The following STK32B variants were observed in gnomAD, a reference collection of about 807,000 sequenced individuals.
STK32B encodes the protein serine/threonine kinase 32B.
STK32B carries 43 observed loss-of-function variants against 52.6 expected under a neutral mutation model. The observed-to-expected ratio is 0.82, with a 90% CI of 0.64 to 1.05. STK32B has a LOEUF of 1.05. STK32B is among the 50% of genes least tolerant of loss of function. The pLI is 0.00. For synonymous variants in STK32B, 238 were observed against 204.3 expected (o/e 1.17, Z -1.41); for missense variants, 621 against 534.6 (o/e 1.16, Z -1.59).
intron 3 of STK32B, among the ~76,000 whole-genome samples, chr4:5,198,431 ATAATAC>A (rs905944868): frequency 6.6e-6 from 1 of 152,140 alleles, no homozygotes; most frequent in African/African-American, 2.4e-5. Flanking sequence ...TTGATTCCCA[ATAATAC>A]TAATAATTTT....
intron 6 of STK32B, among the ~76,000 whole-genome samples, chr4:5,427,653 C>A (rs917141973): frequency 2.6e-5 from 4 of 152,010 alleles, no homozygotes; most frequent in Non-Finnish European, 5.9e-5. Flanking sequence ...AAGGAATTTC[C>A]CTAGTTCATC....
chr4:5,487,824 C>A (rs1719364478), intron 11 of STK32B, among the ~76,000 whole-genome samples: 1 of 152,148 alleles, frequency 6.6e-6, no homozygotes, highest in South Asian at 2.1e-4. Context: ...TTTTGGTTTG[C>A]AGTTTAAATG....
chr4:5,155,389 C>T (rs1440218938), intron 2 of STK32B, among the ~76,000 whole-genome samples: 3 of 152,228 alleles, frequency 2.0e-5, no homozygotes, highest in African/African-American at 4.8e-5. Flanking sequence ...AATGTTTCCT[C>T]TTGTTCGCTG....
At chr4:5,178,786 T>C (rs949056988) in intron 3 of STK32B, among the ~76,000 whole-genome samples, 2 of 152,206 alleles carry the variant, frequency 1.3e-5, no homozygotes, top group Non-Finnish European at 2.9e-5. Flanking sequence ...CATCTCCATC[T>C]GAGACTACAT....
chr4:5,057,252 C>A (rs7655852), intron 1 of STK32B, among the ~76,000 whole-genome samples: 105,037 of 152,068 alleles, frequency 0.69, 37,283 homozygotes, highest in Non-Finnish European at 0.78. Flanking sequence ...GGATTTGAGA[C>A]CAGAATGGCC....
At chr4:5,414,156 T>C (rs1306097231) in intron 5 of STK32B, among the ~76,000 whole-genome samples, 2 of 152,184 alleles carry the variant, frequency 1.3e-5, no homozygotes, top group African/African-American at 2.4e-5. Flanking sequence ...TGTGTAACTA[T>C]AGGTCCATGG....
chr4:5,320,315 C>T (rs1248578703), intron 3 of STK32B, among the ~76,000 whole-genome samples: 3 of 152,170 alleles, frequency 2.0e-5, no homozygotes, highest in African/African-American at 7.2e-5. Context: ...CAGAACGCCT[C>T]TGCACTTAAC....
chr4:5,468,853 G>T (rs1157568996), intron 11 of STK32B, among the ~76,000 whole-genome samples: 2 of 152,076 alleles, frequency 1.3e-5, no homozygotes, highest in Non-Finnish European at 2.9e-5. Flanking sequence ...ACGAGGTCAG[G>T]ATATCGAGAC....
Position 5,499,008 on chromosome 4 carries a change from G to C in STK32B, c.1170G>C (p.Gln390His). 6.2e-7 allele frequency: 1 copy of C among 1,613,824 alleles called. No individual in the cohort carries two copies. Among genetic ancestry groups the C allele is most frequent in the Non-Finnish European group, 8.5e-7 (1 of 1,179,834 alleles). The change falls in exon 12 of 12, where the codon CAG (glutamine) becomes CAC (histidine). Residue 390 changes from glutamine (Q) to histidine (H), a missense_variant. Coordinates refer to ENST00000282908, the MANE Select transcript of STK32B (RefSeq NM_018401.3). ...ACACCGACAGCCGAGGGGGAGGCCA[G>C]GCCCAAAGCAAGCTCCAGGACGGGT... ...LLDTDSRGGGQAQSKLQDGCN... is the reference protein window; with the variant it reads ...LLDTDSRGGGHAQSKLQDGCN...
At chr4:5,078,380 AAAC>A (rs921625544) in intron 1 of STK32B, among the ~76,000 whole-genome samples, 10 of 152,218 alleles carry the variant, frequency 6.6e-5, no homozygotes, top group African/African-American at 2.4e-4. Flanking sequence ...TAGCCTGAAA[AAAC>A]AAAAACAAAC....
intron 3 of STK32B, among the ~76,000 whole-genome samples, chr4:5,197,363 T>C (rs1006096767): frequency 6.6e-6 from 1 of 152,202 alleles, no homozygotes; most frequent in African/African-American, 2.4e-5. Flanking sequence ...ACTGATGGTT[T>C]TCAAGCTGAA....
chr4:5,409,618 G>C (rs921084406), intron 5 of STK32B, among the ~76,000 whole-genome samples: 30 of 152,112 alleles, frequency 2.0e-4, no homozygotes, highest in Admixed American at 1.9e-3. Context: ...GCTCAAACTG[G>C]GGGCACATGC....
chr4:5,315,676 CTTTTTCTTTT>C (rs1262375670), intron 3 of STK32B, among the ~76,000 whole-genome samples: 9 of 130,234 alleles, frequency 6.9e-5, no homozygotes, highest in African/African-American at 3.4e-4. Flanking sequence ...TTTTCTTTTT[CTTTTTCTTTT>C]TTTTTTTTTT....
intron 3 of STK32B, among the ~76,000 whole-genome samples, chr4:5,269,707 C>T (rs957462438): frequency 6.6e-6 from 1 of 152,112 alleles, no homozygotes; most frequent in Non-Finnish European, 1.5e-5. Flanking sequence ...ATAGAATTCA[C>T]AGCATATTAC....
At chr4:5,370,662 G>A (rs530945740) in intron 4 of STK32B, among the ~76,000 whole-genome samples, 1 of 152,104 alleles carries the variant, frequency 6.6e-6, no homozygotes, top group East Asian at 1.9e-4. Flanking sequence ...CTCAAATGAG[G>A]TTTTCACCTC....
At chr4:5,104,975 A>G (rs1714018478) in intron 1 of STK32B, among the ~76,000 whole-genome samples, 1 of 152,222 alleles carries the variant, frequency 6.6e-6, no homozygotes, top group Admixed American at 6.5e-5. Context: ...CCTAAGAGTG[A>G]AATTTCTAGG....
At chr4:5,357,770 T>C (rs1734282323) in intron 4 of STK32B, among the ~76,000 whole-genome samples, 1 of 132,114 alleles carries the variant, frequency 7.6e-6, no homozygotes, top group Admixed American at 8.9e-5. Flanking sequence ...AATGAGATAG[T>C]AATAATTAGT....
intron 2 of STK32B, among the ~76,000 whole-genome samples, chr4:5,160,512 G>C (rs1039590566): frequency 6.6e-6 from 1 of 151,900 alleles, no homozygotes; most frequent in Non-Finnish European, 1.5e-5. Context: ...CTTGGTGACT[G>C]TGCTAAGGTT....
intron 4 of STK32B, among the ~76,000 whole-genome samples, chr4:5,365,172 G>A (rs1024812679): frequency 2.0e-5 from 3 of 152,014 alleles, no homozygotes; most frequent in African/African-American, 2.4e-5. Flanking sequence ...CCACAGCATC[G>A]GGCCAAAAAA....
Sources: allele counts gnomAD v4.1 joint callset (sites outside exome capture counted in the v4.1 genomes callset), GRCh38; gene constraint gnomAD v4.1.1; transcripts MANE v1.5; gene names NCBI Gene and HGNC (gene_info 2026-07-23, HGNC 2026-07-21).